The following RNF17 variants were observed in gnomAD, a reference collection of about 807,000 sequenced individuals.
The protein encoded by RNF17 is spermatogenesis associated 23.
In RNF17, 31 loss-of-function variants were observed where a neutral mutation model predicts 200.5. The observed-to-expected ratio is 0.15, with a 90% CI of 0.12 to 0.21. RNF17 has a LOEUF of 0.21. Ranked by LOEUF, RNF17 falls within the 10% of genes least tolerant of loss-of-function variation. The pLI, the probability that RNF17 is intolerant of heterozygous loss-of-function variation, is 1.00. For synonymous variants in RNF17, 606 were observed against 637.8 expected (o/e 0.95, Z 0.75); for missense variants, 1,628 against 1,905.1 (o/e 0.85, Z 2.71).
the RNF17 span, among the ~76,000 whole-genome samples, chr13:24,748,548 T>C: frequency 6.6e-6 from 1 of 152,234 alleles, no homozygotes; most frequent in South Asian, 2.1e-4. Flanking sequence ...TTAATCTGCA[T>C]CCTTTTGTGT....
chr13:24,842,020 ACTTT>A lies in RNF17; in HGVS notation c.2483-17_2483-14del, dbSNP rs1566208630. On this transcript the variant is annotated splice_polypyrimidine_tract_variant and intron_variant, in intron 18 of 35. Coordinates refer to ENST00000255324, the MANE Select transcript of RNF17 (RefSeq NM_031277.3). The stretch of plus-strand genomic sequence containing the variant: ...TTTTGTGACATATTTCTTTCCCCAA[ACTTT>A]CTTAATGGTTTTACAGAAATTCTGG... 6.9e-6 allele frequency: 11 copies of A among 1,583,282 alleles called. No homozygotes were observed. The highest frequency in any genetic ancestry group is 2.3e-5 in the East Asian group (1 of 44,396).
At chr13:24,864,769 G>A (rs1018692630) in intron 28 of RNF17, 104 bp from the exon 29 acceptor site, 9 of 849,232 alleles carry the variant, frequency 1.1e-5, no homozygotes, top group Non-Finnish European at 1.7e-5. Flanking sequence ...AAACTGTCTA[G>A]TTAATACTAT....
chr13:24,781,151 G>A (rs1882309618), intron 5 of RNF17, among the ~76,000 whole-genome samples: 1 of 151,742 alleles, frequency 6.6e-6, no homozygotes, highest in African/African-American at 2.4e-5. Flanking sequence ...AAAATACTAA[G>A]ATTGTGTAAT....
At chr13:24,871,337 TTTTG>T (rs1323464967) in intron 32 of RNF17, among the ~76,000 whole-genome samples, 37 of 152,280 alleles carry the variant, frequency 2.4e-4, no homozygotes, top group African/African-American at 8.7e-4. Flanking sequence ...GTAGTCAGTG[TTTTG>T]TTTGTTTGTT....
downstream of RNF17, among the ~76,000 whole-genome samples, chr13:24,883,702 G>A (rs2138525387): frequency 6.6e-6 from 1 of 152,284 alleles, no homozygotes; most frequent in African/African-American, 2.4e-5. Flanking sequence ...CTCTGTATCA[G>A]GTGGGGAAGA....
At chr13:24,876,118 A>G (rs1261307841) in intron 33 of RNF17, among the ~76,000 whole-genome samples, 1 of 152,222 alleles carries the variant, frequency 6.6e-6, no homozygotes, top group East Asian at 1.9e-4. Context: ...AAGAAAGATC[A>G]CATTGACATG....
intron 16 of RNF17, among the ~76,000 whole-genome samples, chr13:24,828,669 A>G (rs1024187256): frequency 1.3e-5 from 2 of 151,604 alleles, no homozygotes; most frequent in African/African-American, 2.4e-5. Context: ...GCCATAAAGT[A>G]TACTTTTTAA....
intron 32 of RNF17, among the ~76,000 whole-genome samples, chr13:24,872,148 C>T (rs536105072): frequency 7.0e-4 from 105 of 151,006 alleles, no homozygotes; most frequent in South Asian, 7.0e-3. Context: ...TTAGTAGAGA[C>T]GGGATTTCTC....
At position 24,868,662 on chromosome 13, in the gene RNF17, T is replaced by C. The variant is rs1893939956; in HGVS notation, c.4224T>C (p.Pro1408=). ...LLPPYLSSSL[P]SPGELYAVQV... Reference sequence around the variant, plus strand: ...CACCATATTTGTCTTCATCTCTGCCTTCCCCAGGAGAACTCTATGCTGTTC... The same window carrying C: ...CACCATATTTGTCTTCATCTCTGCCCTCCCCAGGAGAACTCTATGCTGTTC... The change falls in exon 31 of 36, where the codon CCT becomes CCC. Residue 1408 remains proline, a synonymous_variant. Coordinates refer to ENST00000255324, the MANE Select transcript of RNF17 (RefSeq NM_031277.3). 3 of 1,610,496 alleles carry C rather than the reference T, an allele frequency of 1.9e-6. No homozygotes were observed. The highest frequency in any genetic ancestry group is 2.5e-6 in the Non-Finnish European group (3 of 1,176,772).
intron 15 of RNF17, among the ~76,000 whole-genome samples, chr13:24,811,404 G>T (rs181063582): frequency 6.6e-6 from 1 of 151,556 alleles, no homozygotes; most frequent in African/African-American, 2.4e-5. Flanking sequence ...ATCTTCCATC[G>T]CTGATACCCT....
chr13:24,850,695 T>G (rs1375966890), intron 23 of RNF17, among the ~76,000 whole-genome samples: 1 of 152,262 alleles, frequency 6.6e-6, no homozygotes, highest in African/African-American at 2.4e-5. Flanking sequence ...TTACTATTTA[T>G]GTGCTTTCTC....
Position 24,767,266 on chromosome 13 carries a change from C to T in RNF17, c.131-6C>T. On this transcript the variant is annotated splice_region_variant and splice_polypyrimidine_tract_variant and intron_variant, in intron 1 of 35. Transcript: ENST00000255324. ...TCAAAATAATAATTAAGAATTTCAT[C>T]AATAGGTCACCATTGTGAACTTCAA... The T allele has an allele frequency of 4.5e-6, 7 of 1,570,210 alleles. No homozygotes were observed. Among genetic ancestry groups the T allele is most frequent in the Non-Finnish European group, 6.1e-6 (7 of 1,141,896 alleles).
intron 6 of RNF17, among the ~76,000 whole-genome samples, chr13:24,783,737 C>T (rs1399441028): frequency 6.6e-6 from 1 of 152,018 alleles, no homozygotes; most frequent in East Asian, 1.9e-4. Flanking sequence ...TTGCTGAATG[C>T]ATTTATTAGC....
At chr13:24,868,425 C>G (rs552923183) in intron 30 of RNF17, among the ~76,000 whole-genome samples, 175 bp from the exon 31 acceptor site, 352 of 132,078 alleles carry the variant, frequency 2.7e-3, no homozygotes, top group Non-Finnish European at 4.2e-3. Flanking sequence ...AGCCGAGATC[C>G]CGCCACTGCA....
At chr13:24,844,574 C>A in intron 20 of RNF17, 78 bp from the exon 21 acceptor site, 1 of 1,159,296 alleles carries the variant, frequency 8.6e-7, no homozygotes, top group Non-Finnish European at 1.2e-6. Context: ...AATGAGCAAG[C>A]GGAGATTGTA....
At chr13:24,787,864 C>T (rs1883326971) in intron 6 of RNF17, 124 bp from the exon 7 acceptor site, 1 of 631,404 alleles carries the variant, frequency 1.6e-6, no homozygotes, top group South Asian at 3.2e-5. Context: ...TACTGTTTGC[C>T]TCATTTAACC....
At chr13:24,888,049 TA>T in the RNF17 span, among the ~76,000 whole-genome samples, 1 of 152,352 alleles carries the variant, frequency 6.6e-6, no homozygotes, top group African/African-American at 2.4e-5. Context: ...ATTTGCTTTC[TA>T]ATTGTCAAAC....
Position 24,861,452 on chromosome 13 carries a change from G to T in RNF17, c.3894+65G>T, listed in dbSNP as rs949592494. 5.5e-5 allele frequency: 60 copies of T among 1,091,662 alleles called. 1 individual carries two copies. In the South Asian group the frequency reaches 1.1e-3, roughly 21 times the overall value. 67.6% of individuals were successfully genotyped at this position (1,091,662 alleles called of 1,614,324 possible). A position where few individuals can be genotyped will look rare whatever the true frequency, so the allele number is the denominator to read the frequency against. Reference sequence around the variant, plus strand: ...ATTAGTTTTTATTAATAATTTTTTAGAAATATTTAGAATGTAAAATGAAAT... The same window carrying T: ...ATTAGTTTTTATTAATAATTTTTTATAAATATTTAGAATGTAAAATGAAAT... On this transcript the variant is annotated intron_variant, in intron 27 of 35. Transcript: ENST00000255324.
intron 22 of RNF17, among the ~76,000 whole-genome samples, chr13:24,845,587 C>T (rs7997326): frequency 0.2 from 29,803 of 152,020 alleles, 3,183 homozygotes; most frequent in South Asian, 0.32. Flanking sequence ...AGGACCTTTA[C>T]AGTATCAACA....
Sources: allele counts gnomAD v4.1 joint callset (sites outside exome capture counted in the v4.1 genomes callset), GRCh38; gene constraint gnomAD v4.1.1; transcripts MANE v1.5; gene names NCBI Gene and HGNC (gene_info 2026-07-23, HGNC 2026-07-21).